The following SYT16 variants were observed in gnomAD, a reference collection of about 807,000 sequenced individuals.
SYT16 encodes the protein synaptotagmin 16.
Under a neutral mutation model 61.4 loss-of-function variants are expected in SYT16, and 42 were observed. The ratio of observed to expected loss-of-function variants is 0.68; its 90% confidence interval spans 0.53 to 0.89. The LOEUF (loss-of-function observed/expected upper bound fraction) is 0.89, where lower values mean the gene tolerates loss of function less well. SYT16 is among the 40% of genes least tolerant of loss of function. The pLI is 0.00. For missense variants in SYT16, 804 were observed against 807.3 expected, an observed-to-expected ratio of 1.00 and a Z score of 0.05; for synonymous variants, 314 against 302.3, an observed-to-expected ratio of 1.04 and a Z score of -0.40.
intron 4 of SYT16, among the ~76,000 whole-genome samples, chr14:62,072,922 G>T (rs1033605455): frequency 2.6e-5 from 4 of 152,124 alleles, no homozygotes; most frequent in African/African-American, 9.7e-5. Flanking sequence ...CATAGTTATG[G>T]CCTATAATTT....
At chr14:61,971,856 C>T (rs921313769) in intron 2 of SYT16, among the ~76,000 whole-genome samples, 1 of 152,200 alleles carries the variant, frequency 6.6e-6, no homozygotes, top group African/African-American at 2.4e-5. Context: ...TACAGCTTGC[C>T]ATGCAAAAGC....
chr14:62,048,771 G>A (rs186607147), intron 3 of SYT16, among the ~76,000 whole-genome samples: 33 of 152,168 alleles, frequency 2.2e-4, no homozygotes, highest in Middle Eastern at 3.4e-3. Flanking sequence ...TTCAGTTTCC[G>A]TGTATTTGAG....
intron 7 of SYT16, among the ~76,000 whole-genome samples, chr14:62,089,567 A>G (rs367654332): frequency 7.4e-4 from 113 of 152,332 alleles, no homozygotes; most frequent in African/African-American, 2.6e-3. Context: ...TTTGAAAATT[A>G]CTGTAACTAG....
At chr14:61,844,535 T>A (rs1015616125) in intron 1 of SYT16, among the ~76,000 whole-genome samples, 1 of 152,200 alleles carries the variant, frequency 6.6e-6, no homozygotes, top group Non-Finnish European at 1.5e-5. Context: ...TATATATGGC[T>A]TTTATTATGT....
At chr14:62,029,091 G>A (rs1159262971) in intron 3 of SYT16, among the ~76,000 whole-genome samples, 2 of 152,142 alleles carry the variant, frequency 1.3e-5, no homozygotes, top group Non-Finnish European at 2.9e-5. Flanking sequence ...TTCCCATAGG[G>A]CCAGCCTGAG....
At chr14:61,939,922 C>CT (rs1187725528) in intron 1 of SYT16, among the ~76,000 whole-genome samples, 1 of 152,160 alleles carries the variant, frequency 6.6e-6, no homozygotes, top group African/African-American at 2.4e-5. Context: ...TCCTGTCATT[C>CT]TTTTCTAGGA....
intron 1 of SYT16, among the ~76,000 whole-genome samples, chr14:61,870,470 T>C (rs771402986): frequency 6.6e-6 from 1 of 152,108 alleles, no homozygotes; most frequent in Non-Finnish European, 1.5e-5. Context: ...TTGTTTCTGC[T>C]TGGGGTTTAC....
intron 2 of SYT16, among the ~76,000 whole-genome samples, chr14:61,987,087 C>T (rs1420280352): frequency 6.6e-6 from 1 of 152,030 alleles, no homozygotes; most frequent in Non-Finnish European, 1.5e-5. Context: ...AATATTTCAG[C>T]GACATCATTT....
chr14:61,872,279 C>G (rs959576846), intron 1 of SYT16, among the ~76,000 whole-genome samples: 4 of 151,740 alleles, frequency 2.6e-5, no homozygotes, highest in Admixed American at 1.3e-4. Flanking sequence ...TTTTAGAGTA[C>G]ATATATAATG....
At chr14:61,875,834 A>G (rs2047471003) in intron 1 of SYT16, among the ~76,000 whole-genome samples, 1 of 152,170 alleles carries the variant, frequency 6.6e-6, no homozygotes, top group African/African-American at 2.4e-5. Flanking sequence ...TGATCTCTGT[A>G]CACTGGGGTG....
chr14:62,092,437 T>C (rs113195015), intron 7 of SYT16, among the ~76,000 whole-genome samples: 30 of 152,226 alleles, frequency 2.0e-4, no homozygotes, highest in African/African-American at 5.3e-4. Context: ...CCCATGTTCA[T>C]AGCAACATTA....
chr14:61,879,298 A>G (rs745950999), intron 1 of SYT16, among the ~76,000 whole-genome samples: 2 of 152,194 alleles, frequency 1.3e-5, no homozygotes, highest in Non-Finnish European at 2.9e-5. Context: ...TTGACCTTCA[A>G]GTTAATAAAA....
At chr14:61,905,238 A>G (rs560389605) in intron 1 of SYT16, among the ~76,000 whole-genome samples, 3 of 152,328 alleles carry the variant, frequency 2.0e-5, no homozygotes, top group South Asian at 4.1e-4. Flanking sequence ...ATTTCTGCGA[A>G]CACATCTTTG....
chr14:61,967,047 G>A (rs1471426541), intron 1 of SYT16, among the ~76,000 whole-genome samples: 1 of 152,182 alleles, frequency 6.6e-6, no homozygotes, highest in Non-Finnish European at 1.5e-5. Context: ...TTGGTAGGTG[G>A]CAACACACTG....
rs1595381198 is a variant in SYT16, at chr14:62,086,026, A to G, written c.1624+1641A>G. The stretch of plus-strand genomic sequence containing the variant: ...GAATGATGGGGTTGTGGATCACACA[A>G]TCATGGCCTATTCAAGTCCATGCTG... On this transcript the variant is annotated intron_variant, in intron 7 of 7. Coordinates refer to ENST00000683842, the MANE Select transcript of SYT16 (RefSeq NM_001367656.1). 2.6e-5 allele frequency among the ~76,000 whole-genome samples: 4 copies of G among 152,162 alleles called. No individual in the cohort carries two copies. In the East Asian group the frequency reaches 7.7e-4, roughly 29 times the overall value.
intron 1 of SYT16, among the ~76,000 whole-genome samples, chr14:61,946,886 T>C (rs902927508): frequency 6.6e-6 from 1 of 152,106 alleles, no homozygotes; most frequent in Non-Finnish European, 1.5e-5. Flanking sequence ...ATTTGCAGGA[T>C]TGGTGCTGGC....
At chr14:62,083,012 G>A (rs72718598) in intron 6 of SYT16, among the ~76,000 whole-genome samples, 3 of 152,074 alleles carry the variant, frequency 2.0e-5, no homozygotes, top group Admixed American at 6.5e-5. Context: ...GAGCACAGGA[G>A]GGGGAGTGAG....
chr14:61,909,722 C>A (rs1165175065), intron 1 of SYT16, among the ~76,000 whole-genome samples: 1 of 152,228 alleles, frequency 6.6e-6, no homozygotes, highest in East Asian at 1.9e-4. Flanking sequence ...TACCACACTA[C>A]TTTACTGTAA....
intron 7 of SYT16, among the ~76,000 whole-genome samples, chr14:62,090,948 T>C (rs894705973): frequency 1.3e-5 from 2 of 152,160 alleles, no homozygotes; most frequent in Non-Finnish European, 2.9e-5. Flanking sequence ...TGAGATTTAT[T>C]CACTATCATG....
Sources: gnomAD v4.1 joint callset for allele counts (sites outside exome capture counted in the v4.1 genomes callset) on GRCh38, gnomAD v4.1.1 for gene constraint, MANE v1.5 for transcripts, NCBI Gene and HGNC (gene_info 2026-07-23, HGNC 2026-07-21) for gene names.